CYYR1: variants seen among roughly 807,000 people sequenced by gnomAD.
The protein encoded by CYYR1 is cysteine and tyrosine-rich protein 1.
Under a neutral mutation model 15.2 loss-of-function variants are expected in CYYR1, and 14 were observed. The ratio of observed to expected loss-of-function variants is 0.92; its 90% confidence interval spans 0.61 to 1.44. The LOEUF is 1.44. Among genes scored for constraint, CYYR1 ranks in the 40% most tolerant of loss-of-function variants. The pLI, the probability that CYYR1 is intolerant of heterozygous loss-of-function variation, is 0.00. For missense variants in CYYR1, 228 were observed against 209.5 expected (o/e 1.09, Z -0.54); for synonymous variants, 80 against 77.4 (o/e 1.03, Z -0.18).
chr21:26,547,053 T>TGCAC, intron 2 of CYYR1, among the ~76,000 whole-genome samples: 1 of 152,074 alleles, frequency 6.6e-6, no homozygotes, highest in African/African-American at 2.4e-5. Context: ...ATTTTTCTGG[T>TGCAC]TAGGGAGCCA....
intron 2 of CYYR1, among the ~76,000 whole-genome samples, chr21:26,549,062 A>C (rs1979186799): frequency 6.6e-6 from 1 of 152,146 alleles, no homozygotes; most frequent in Non-Finnish European, 1.5e-5. Context: ...AAAAAAAGAA[A>C]CTACAAGTTT....
In CYYR1 at chr21:26,527,247, C is replaced by T. The variant is rs571147245; in HGVS notation, c.176+39019G>A. Among the ~76,000 whole-genome samples, 17 of 152,216 alleles carry T rather than the reference C, an allele frequency of 1.1e-4. No homozygotes were observed. The East Asian group carries it at 2.9e-3, about 26-fold the overall frequency. On this transcript the variant is annotated intron_variant, in intron 2 of 3. Coordinates refer to ENST00000652641, the MANE Select transcript of CYYR1 (RefSeq NM_001320768.2). Reference sequence around the variant, plus strand: ...GCTTTCTCCCCAGGCCAACATATTACCAAAATAAGTAGTCTCATCAATAAA... The same window carrying T: ...GCTTTCTCCCCAGGCCAACATATTATCAAAATAAGTAGTCTCATCAATAAA...
intron 3 of CYYR1, among the ~76,000 whole-genome samples, chr21:26,479,285 A>G (rs1366659181): frequency 2.0e-5 from 3 of 151,922 alleles, no homozygotes; most frequent in Non-Finnish European, 4.4e-5. Context: ...TGCTCCCTCA[A>G]GTTGAAGATG....
chr21:26,468,474 G>T lies in CYYR1; in HGVS notation c.*27C>A. 1.4e-6 allele frequency: 2 copies of T among 1,394,520 alleles called. No individual in the cohort carries two copies. The highest frequency in any genetic ancestry group is 2.3e-5 in the East Asian group (1 of 43,846). The allele number at this position is 1,394,520 out of a possible 1,614,324, so 86.4% of individuals were successfully genotyped here. A position where few individuals can be genotyped will look rare whatever the true frequency, so the allele number is the denominator to read the frequency against. ...TTTATTCCAGGCAAGATCGCCCATT[G>T]GCACATGTTCTGTTCTGGGAGATAG... is the stretch of plus-strand genomic sequence containing the variant. On this transcript the variant is annotated 3_prime_UTR_variant, in exon 4 of 4. Coordinates refer to ENST00000652641, the MANE Select transcript of CYYR1 (RefSeq NM_001320768.2).
At chr21:26,567,533 GACTT>G (rs1434335822) in intron 1 of CYYR1, among the ~76,000 whole-genome samples, 1 of 152,092 alleles carries the variant, frequency 6.6e-6, no homozygotes, top group African/African-American at 2.4e-5. Context: ...GGTTGTCACT[GACTT>G]AGTCGTATAA....
At chr21:26,537,322 G>A (rs1978312925) in intron 2 of CYYR1, among the ~76,000 whole-genome samples, 1 of 152,158 alleles carries the variant, frequency 6.6e-6, no homozygotes, top group South Asian at 2.1e-4. Flanking sequence ...GTTCTTTCGT[G>A]TAACAATCCT....
chr21:26,483,615 G>A (rs1381217003), intron 2 of CYYR1, among the ~76,000 whole-genome samples: 2 of 152,054 alleles, frequency 1.3e-5, no homozygotes, highest in Admixed American at 6.6e-5. Flanking sequence ...CCGGAGCTTG[G>A]AATTGTACTC....
At chr21:26,491,435 TG>T (rs2065326355) in intron 2 of CYYR1, among the ~76,000 whole-genome samples, 1 of 152,148 alleles carries the variant, frequency 6.6e-6, no homozygotes, top group Admixed American at 6.6e-5. Flanking sequence ...ATTTAAGTCC[TG>T]AGAGCATATA....
intron 2 of CYYR1, among the ~76,000 whole-genome samples, chr21:26,507,379 T>C (rs551372771): frequency 1.8e-4 from 28 of 152,360 alleles, no homozygotes; most frequent in Admixed American, 4.6e-4. Flanking sequence ...TGCTGAAATG[T>C]AATCCCTTTA....
At chr21:26,499,471 A>T (rs2065451344) in intron 2 of CYYR1, among the ~76,000 whole-genome samples, 1 of 152,216 alleles carries the variant, frequency 6.6e-6, no homozygotes, top group South Asian at 2.1e-4. Context: ...GAACGTCAAG[A>T]GAATAAATTT....
At chr21:26,482,502 T>C (rs1310933577) in intron 2 of CYYR1, 1 of 985,236 alleles carries the variant, frequency 1.0e-6, no homozygotes, top group Non-Finnish European at 1.2e-6. Context: ...TGTTTGCTGG[T>C]CCTCACATTT....
At chr21:26,538,485 A>G (rs1978335767) in intron 2 of CYYR1, among the ~76,000 whole-genome samples, 1 of 152,052 alleles carries the variant, frequency 6.6e-6, no homozygotes, top group Non-Finnish European at 1.5e-5. Context: ...TATTTCTCTC[A>G]ATATTTTAAT....
At chr21:26,506,077 A>G (rs1000124863) in intron 2 of CYYR1, among the ~76,000 whole-genome samples, 2 of 152,168 alleles carry the variant, frequency 1.3e-5, no homozygotes, top group Non-Finnish European at 2.9e-5. Context: ...CGTCATCTCA[A>G]TAGGCCCATT....
At chr21:26,506,387 T>C (rs1464075158) in intron 2 of CYYR1, among the ~76,000 whole-genome samples, 1 of 152,176 alleles carries the variant, frequency 6.6e-6, no homozygotes. Context: ...ACTGCACTTT[T>C]GGATTCACGA....
At chr21:26,553,015 C>G (rs1979507081) in intron 2 of CYYR1, among the ~76,000 whole-genome samples, 2 of 151,960 alleles carry the variant, frequency 1.3e-5, no homozygotes, top group Non-Finnish European at 2.9e-5. Context: ...TGCTTTCTTC[C>G]TGAAGAACTT....
chr21:26,556,413 A>T (rs547774210), intron 2 of CYYR1, among the ~76,000 whole-genome samples: 1 of 152,266 alleles, frequency 6.6e-6, no homozygotes, highest in South Asian at 2.1e-4. Flanking sequence ...GCAGACAGAT[A>T]TTAAGGAACA....
intron 3 of CYYR1, chr21:26,477,792 T>A: frequency 1.0e-6 from 1 of 984,900 alleles, no homozygotes; most frequent in Non-Finnish European, 1.2e-6. Flanking sequence ...TCTCTTGGGT[T>A]ATGGTTTGAC....
chr21:26,533,121 T>C (rs2065953016), intron 2 of CYYR1, among the ~76,000 whole-genome samples: 1 of 150,866 alleles, frequency 6.6e-6, no homozygotes, highest in Non-Finnish European at 1.5e-5. Context: ...TAATGGTAAA[T>C]ATATTTATTT....
chr21:26,484,709 ATG>A (rs1210095517), intron 2 of CYYR1, among the ~76,000 whole-genome samples: 2 of 152,090 alleles, frequency 1.3e-5, no homozygotes, highest in African/African-American at 4.8e-5. Flanking sequence ...TTTCCAAACT[ATG>A]TGTTATGGAA....
Sources: gnomAD v4.1 joint callset for allele counts (sites outside exome capture counted in the v4.1 genomes callset) on GRCh38, gnomAD v4.1.1 for gene constraint, MANE v1.5 for transcripts, NCBI Gene and HGNC (gene_info 2026-07-23, HGNC 2026-07-21) for gene names.